The following ACOT12 variants were observed in gnomAD, a reference collection of about 807,000 sequenced individuals.
ACOT12 encodes acetyl-coenzyme A thioesterase.
Under a neutral mutation model 67.7 loss-of-function variants are expected in ACOT12, and 51 were observed. The ratio of observed to expected loss-of-function variants is 0.75; its 90% CI spans 0.60 to 0.95. The LOEUF is 0.95. Ranked by LOEUF, ACOT12 falls within the 40% of genes least tolerant of loss-of-function variation. ACOT12 has a pLI of 0.00. For synonymous variants in ACOT12, 251 were observed against 244.6 expected (o/e 1.03, Z -0.24); for missense variants, 734 against 708.1 (o/e 1.04, Z -0.41).
intron 1 of ACOT12, among the ~76,000 whole-genome samples, chr5:81,393,367 A>G (rs1380645058): frequency 1.3e-5 from 2 of 152,236 alleles, no homozygotes; most frequent in Non-Finnish European, 2.9e-5. Context: ...TTAAATTTCC[A>G]TTACGGTAAA....
intron 11 of ACOT12, among the ~76,000 whole-genome samples, chr5:81,339,270 AGGGC>A (rs1759112334): frequency 6.6e-6 from 1 of 152,190 alleles, no homozygotes; most frequent in East Asian, 1.9e-4. Flanking sequence ...GGGGGTCGGA[AGGGC>A]GGAGCTCTGG....
chr5:81,332,961 C>T (rs535917654), intron 12 of ACOT12, among the ~76,000 whole-genome samples: 12 of 151,288 alleles, frequency 7.9e-5, no homozygotes, highest in African/African-American at 2.4e-4. Flanking sequence ...CCCAGCTACT[C>T]GAGAGGTTGA....
chr5:81,334,221 G>A (rs1433616491), intron 12 of ACOT12, among the ~76,000 whole-genome samples: 2 of 152,134 alleles, frequency 1.3e-5, no homozygotes, highest in Non-Finnish European at 1.5e-5. Context: ...GTACACTAAC[G>A]CAAGAATCCA....
At chr5:81,309,316 T>C in the ACOT12 span, among the ~76,000 whole-genome samples, 2 of 152,222 alleles carry the variant, frequency 1.3e-5, no homozygotes, top group Non-Finnish European at 2.9e-5. Context: ...CTTTTAGACA[T>C]AACAGAAGCA....
At chr5:81,331,282 A>C (rs985092156) in intron 13 of ACOT12, among the ~76,000 whole-genome samples, 5 of 152,218 alleles carry the variant, frequency 3.3e-5, no homozygotes, top group Non-Finnish European at 7.3e-5. Context: ...TCACGCCTGT[A>C]ATCCCAGCAC....
chr5:81,314,415 A>C, the ACOT12 span, among the ~76,000 whole-genome samples: 1 of 152,038 alleles, frequency 6.6e-6, no homozygotes, highest in Non-Finnish European at 1.5e-5. Flanking sequence ...CTTTGTTTAT[A>C]TTTTAATGAT....
chr5:81,369,789 ACTGT>A (rs1760190944), intron 3 of ACOT12, among the ~76,000 whole-genome samples: 2 of 152,168 alleles, frequency 1.3e-5, no homozygotes, highest in South Asian at 4.1e-4. Context: ...CTATATTTGG[ACTGT>A]CTATCAGGAG....
At chr5:81,344,131 A>G (rs1398412091) in intron 9 of ACOT12, 29 bp downstream of exon 9, 18 of 1,608,368 alleles carry the variant, frequency 1.1e-5, no homozygotes, top group African/African-American at 2.7e-5. Context: ...CGAAGACTCC[A>G]TAAAATCATT....
At chr5:81,387,331 C>G (rs956826015) in intron 1 of ACOT12, among the ~76,000 whole-genome samples, 3 of 152,032 alleles carry the variant, frequency 2.0e-5, no homozygotes, top group African/African-American at 7.2e-5. Flanking sequence ...CTTAGAGATC[C>G]AGCCATAGTC....
At chr5:81,341,716 G>T (rs1003309845) in intron 11 of ACOT12, among the ~76,000 whole-genome samples, 3 of 152,136 alleles carry the variant, frequency 2.0e-5, no homozygotes, top group African/African-American at 7.2e-5. Context: ...ATGAGCTTCC[G>T]AGGGTCTCCT....
chr5:81,347,694 C>T, intron 6 of ACOT12, 80 bp downstream of exon 6: 4 of 1,487,734 alleles, frequency 2.7e-6, no homozygotes, highest in Non-Finnish European at 3.6e-6. Context: ...TCTTGACTAT[C>T]CCAAGAACTG....
At chr5:81,327,131 A>G (rs1758690893), downstream of ACOT12, among the ~76,000 whole-genome samples, 1 of 150,932 alleles carries the variant, frequency 6.6e-6, no homozygotes, top group South Asian at 2.1e-4. Context: ...AGAAATATAA[A>G]CAAAACCATG....
chr5:81,360,458 G>A (rs1235834797), intron 4 of ACOT12, among the ~76,000 whole-genome samples: 1 of 151,686 alleles, frequency 6.6e-6, no homozygotes, highest in African/African-American at 2.4e-5. Context: ...CAAAGAGAGG[G>A]AATAAAGATG....
intron 11 of ACOT12, among the ~76,000 whole-genome samples, chr5:81,336,864 T>A (rs924095028): frequency 5.9e-5 from 9 of 152,082 alleles, no homozygotes; most frequent in African/African-American, 2.2e-4. Flanking sequence ...ATATCATCAA[T>A]AAGAGAATGA....
At chr5:81,343,177 ACT>A (rs2153848144) in intron 10 of ACOT12, among the ~76,000 whole-genome samples, 1 of 151,660 alleles carries the variant, frequency 6.6e-6, no homozygotes, top group South Asian at 2.1e-4. Flanking sequence ...ACAGAGTGAG[ACT>A]CTGTCTCAAA....
chr5:81,348,456 A>C (rs77342182), intron 5 of ACOT12, among the ~76,000 whole-genome samples: 3,000 of 152,328 alleles, frequency 0.02, 93 homozygotes, highest in African/African-American at 0.068. Flanking sequence ...GACACCAGGA[A>C]GCTTGAAACA....
At chr5:81,359,550 C>T (rs960884635) in intron 5 of ACOT12, among the ~76,000 whole-genome samples, 5 of 152,172 alleles carry the variant, frequency 3.3e-5, no homozygotes, top group Admixed American at 2.0e-4. Flanking sequence ...AAACCGTGGA[C>T]GAGAAACTGC....
chr5:81,345,655 G>A (rs780257981), intron 7 of ACOT12, among the ~76,000 whole-genome samples: 4 of 151,860 alleles, frequency 2.6e-5, no homozygotes, highest in Admixed American at 1.3e-4. Context: ...TGGGCCAATT[G>A]GGACATACGG....
At chr5:81,326,558 G>T (rs1758680162), downstream of ACOT12, among the ~76,000 whole-genome samples, 1 of 152,180 alleles carries the variant, frequency 6.6e-6, no homozygotes, top group South Asian at 2.1e-4. Context: ...TATTTGTGTT[G>T]CTTTCCTTTC....
Sources: gnomAD v4.1 joint callset for allele counts (sites outside exome capture counted in the v4.1 genomes callset) on GRCh38, gnomAD v4.1.1 for gene constraint, MANE v1.5 for transcripts, NCBI Gene and HGNC (gene_info 2026-07-23, HGNC 2026-07-21) for gene names.